The following LCA5 variants were observed in gnomAD, a reference collection of about 807,000 sequenced individuals.
The protein encoded by LCA5 is lebercilin.
In LCA5, 37 loss-of-function variants were observed where a neutral mutation model predicts 53.0. The ratio of observed to expected loss-of-function variants is 0.70; its 90% CI spans 0.54 to 0.92. LCA5 has a LOEUF of 0.92. Ranked by LOEUF, LCA5 falls within the 40% of genes least tolerant of loss-of-function variation. The pLI is 0.00. For missense variants in LCA5, 806 were observed against 790.5 expected, an observed-to-expected ratio of 1.02 and a Z score of -0.23; for synonymous variants, 303 against 282.9, an observed-to-expected ratio of 1.07 and a Z score of -0.71.
chr6:79,507,549 T>C (rs1202350378), intron 3 of LCA5, among the ~76,000 whole-genome samples: 1 of 152,106 alleles, frequency 6.6e-6, no homozygotes, highest in Admixed American at 6.6e-5. Context: ...GCATGGCATA[T>C]GTATATGTAT....
At chr6:79,493,561 T>C in intron 4 of LCA5, 52 bp downstream of exon 4, 2 of 1,498,984 alleles carry the variant, frequency 1.3e-6, no homozygotes, top group Admixed American at 1.7e-5. Context: ...TTAAAATATT[T>C]AATTTTCGTC....
At position 79,532,780 on chromosome 6, in the gene LCA5, T is replaced by A. The variant is rs372678655; in HGVS notation, c.-192+4385A>T. Among the ~76,000 whole-genome samples, 13 of 152,298 alleles carry A rather than the reference T, an allele frequency of 8.5e-5. No individual in the cohort carries two copies. The East Asian group carries it at 2.5e-3, about 29-fold the overall frequency. ...TGTTACTACTGGAAATAATCTTACA[T>A]TTATTGTCTTACTTATCCTAGTAAA... On this transcript the variant is annotated intron_variant, in intron 1 of 7. Coordinates refer to ENST00000369846, the MANE Select transcript of LCA5 (RefSeq NM_001122769.3).
rs544673629 is a variant in LCA5, at chr6:79,486,578, G to A, written c.*426C>T. On this transcript the variant is annotated 3_prime_UTR_variant, in exon 8 of 8. Coordinates refer to ENST00000369846, the MANE Select transcript of LCA5 (RefSeq NM_001122769.3). ...AAGAAGCACTGGTTCTCCACCATCC[G>A]GAGCTACACTTCCCAACACAGACTT... 230 of 164,960 alleles carry A rather than the reference G, an allele frequency of 1.4e-3. 4 individuals are homozygous for A. Among genetic ancestry groups the A allele is most frequent in the African/African-American group, 5.2e-3 (214 of 41,510 alleles). 10.2% of individuals were successfully genotyped at this position (164,960 alleles called of 1,614,324 possible).
chr6:79,527,790 T>G (rs1827628), intron 1 of LCA5, among the ~76,000 whole-genome samples: 52,751 of 152,044 alleles, frequency 0.35, 9,615 homozygotes, highest in Middle Eastern at 0.52. Flanking sequence ...CTTGGGTATA[T>G]GGGTTAAGAG....
At chr6:79,533,809 C>A (rs930152204) in intron 1 of LCA5, among the ~76,000 whole-genome samples, 1 of 151,590 alleles carries the variant, frequency 6.6e-6, no homozygotes, top group Non-Finnish European at 1.5e-5. Context: ...AGAAAAAAAA[C>A]TGTAAAATCA....
intron 1 of LCA5, among the ~76,000 whole-genome samples, chr6:79,521,356 C>T (rs1034876358): frequency 2.0e-5 from 3 of 152,110 alleles, no homozygotes; most frequent in Non-Finnish European, 2.9e-5. Flanking sequence ...CACAAATTAA[C>T]CAGTTCGAAT....
At chr6:79,524,120 C>T (rs973863024) in intron 1 of LCA5, among the ~76,000 whole-genome samples, 16 of 152,142 alleles carry the variant, frequency 1.1e-4, no homozygotes, top group Non-Finnish European at 1.8e-4. Flanking sequence ...TACCAATAGC[C>T]TGAAGTCCAT....
rs1172615700 is a variant in LCA5, at chr6:79,485,948, A to G, written c.*1056T>C. On this transcript the variant is annotated 3_prime_UTR_variant, in exon 8 of 8. Transcript: ENST00000369846. The stretch of plus-strand genomic sequence containing the variant: ...CCAAAAGACCAATGCATTTAAACAG[A>G]AAACTATCCACTCTAGTCAACAAGG... 1.3e-5 allele frequency: 2 copies of G among 152,180 alleles called. No homozygotes were observed. Among genetic ancestry groups the G allele is most frequent in the African/African-American group, 2.4e-5 (1 of 41,442 alleles). 9.4% of individuals were successfully genotyped at this position (152,180 alleles called of 1,614,324 possible).
At chr6:79,519,232 GTTAC>G (rs1766548086) in intron 1 of LCA5, 147 bp from the exon 2 acceptor site, 2 of 342,252 alleles carry the variant, frequency 5.8e-6, no homozygotes, top group Non-Finnish European at 1.1e-5. Flanking sequence ...TCACAGATAA[GTTAC>G]TTACAGTATT....
chr6:79,534,412 C>A (rs1163808365), intron 1 of LCA5, among the ~76,000 whole-genome samples: 1 of 151,942 alleles, frequency 6.6e-6, no homozygotes, highest in Admixed American at 6.6e-5. Context: ...CTAAGATGTT[C>A]ATTCATTCAT....
intron 4 of LCA5, among the ~76,000 whole-genome samples, chr6:79,492,984 T>C (rs1769884657): frequency 2.0e-5 from 3 of 152,062 alleles, no homozygotes; most frequent in Admixed American, 2.0e-4. Context: ...AGTTCTGAAA[T>C]ATTGATGAGT....
chr6:79,503,678 A>G (rs1338093864), intron 3 of LCA5, among the ~76,000 whole-genome samples: 1 of 152,166 alleles, frequency 6.6e-6, no homozygotes, highest in Non-Finnish European at 1.5e-5. Flanking sequence ...CCCTAACCCT[A>G]TTTACGATCA....
intron 2 of LCA5, among the ~76,000 whole-genome samples, chr6:79,516,613 A>G (rs559408798): frequency 6.6e-6 from 1 of 152,062 alleles, no homozygotes; most frequent in South Asian, 2.1e-4. Context: ...GAACTTACAA[A>G]TATTTCCAGC....
At chr6:79,512,021 G>A (rs1464435776) in intron 3 of LCA5, among the ~76,000 whole-genome samples, 1 of 152,006 alleles carries the variant, frequency 6.6e-6, no homozygotes, top group Non-Finnish European at 1.5e-5. Flanking sequence ...CTCTCTATAT[G>A]TAGTTTTATA....
chr6:79,522,378 A>T (rs1234817311), intron 1 of LCA5, among the ~76,000 whole-genome samples: 1 of 152,040 alleles, frequency 6.6e-6, no homozygotes, highest in Non-Finnish European at 1.5e-5. Context: ...TTCTGAAGTA[A>T]TCTCCCCTCC....
chr6:79,491,509 A>C, intron 6 of LCA5, 79 bp downstream of exon 6: 1 of 1,477,280 alleles, frequency 6.8e-7, no homozygotes, highest in Non-Finnish European at 9.5e-7. Flanking sequence ...TCATTACTGA[A>C]ATTTTAAAAT....
Position 79,513,737 on chromosome 6 carries a change from AG to A in LCA5, c.194del (p.Pro65LeufsTer46). 2 of 1,613,320 alleles carry A rather than the reference AG, an allele frequency of 1.2e-6. No individual in the cohort carries two copies. The highest frequency in any genetic ancestry group is 2.2e-5 in the South Asian group (2 of 91,058). The part of the protein sequence containing the change: ...TSDGQVHHQA[P>X]RKPSPKGLPN... ...GTAGACCCTTAGGGCTTGGTTTCCGAGGGGCTAAAAAAGAAACAGGAATAAT... is the reference window on the plus strand; with the variant it reads ...GTAGACCCTTAGGGCTTGGTTTCCGAGGGCTAAAAAAGAAACAGGAATAAT... On this transcript the variant is annotated frameshift_variant, in exon 3 of 8. Coordinates refer to ENST00000369846, the MANE Select transcript of LCA5 (RefSeq NM_001122769.3). LOFTEE classifies it high-confidence loss of function.
intron 1 of LCA5, among the ~76,000 whole-genome samples, chr6:79,525,908 A>G (rs1248305015): frequency 2.0e-5 from 3 of 152,158 alleles, no homozygotes; most frequent in African/African-American, 7.2e-5. Context: ...TAAAAGAACT[A>G]ATGTCTGTAT....
In LCA5 at chr6:79,491,561, G is replaced by A. The variant is rs773892457; in HGVS notation, c.1098+27C>T. On this transcript the variant is annotated intron_variant, in intron 6 of 7. Transcript: ENST00000369846. ...TTAGGAATAACTTCAGACCGAGTTTGGTACATAACAATACTGCTAAACTCA... is the reference window on the plus strand; with the variant it reads ...TTAGGAATAACTTCAGACCGAGTTTAGTACATAACAATACTGCTAAACTCA... 1.4e-5 allele frequency: 22 copies of A among 1,610,360 alleles called. No individual in the cohort carries two copies. In the South Asian group the frequency reaches 2.0e-4, roughly 14 times the overall value.
Sources: allele counts gnomAD v4.1 joint callset (sites outside exome capture counted in the v4.1 genomes callset), GRCh38; gene constraint gnomAD v4.1.1; transcripts MANE v1.5; gene names NCBI Gene and HGNC (gene_info 2026-07-23, HGNC 2026-07-21).